CCDC149: variants seen among roughly 807,000 people sequenced by gnomAD.
The protein encoded by CCDC149 is coiled-coil domain-containing protein 149.
A neutral mutation model predicts 59.9 loss-of-function variants in CCDC149; 45 were observed. That is an observed-to-expected ratio of 0.75 (90% confidence interval 0.59 to 0.96). CCDC149 has a LOEUF of 0.96. CCDC149 is among the 40% of genes least tolerant of loss of function. The pLI is 0.00. For missense variants in CCDC149, 584 were observed against 664.7 expected (o/e 0.88, Z 1.33); for synonymous variants, 245 against 260.6 (o/e 0.94, Z 0.58).
intron 1 of CCDC149, among the ~76,000 whole-genome samples, chr4:24,924,607 C>G (rs1722384880): frequency 1.3e-5 from 2 of 152,218 alleles, no homozygotes; most frequent in South Asian, 4.1e-4. Context: ...CATGTGGTCT[C>G]TCCATGTGGT....
chr4:24,865,782 T>C (rs565334296), intron 3 of CCDC149, among the ~76,000 whole-genome samples: 2 of 152,366 alleles, frequency 1.3e-5, no homozygotes, highest in Admixed American at 6.5e-5. Flanking sequence ...TTTAGACTCA[T>C]TGAGCCTAAA....
At chr4:24,963,138 C>G (rs1420522652) in intron 1 of CCDC149, among the ~76,000 whole-genome samples, 1 of 151,996 alleles carries the variant, frequency 6.6e-6, no homozygotes, top group Non-Finnish European at 1.5e-5. Context: ...GATCTTCCAC[C>G]TCAGAGAAGC....
Position 24,812,225 on chromosome 4 carries a change from T to A in CCDC149, c.1193-3406A>T, listed in dbSNP as rs142214740. ...AGGTTTCAGGGAATTGGACCTGAAA[T>A]CTTTGAGGGCCAATATTCAACCTCC... On this transcript the variant is annotated intron_variant, in intron 12 of 12. Transcript: ENST00000635206. Among the ~76,000 whole-genome samples the A allele has an allele frequency of 1.3e-3, 194 of 152,346 alleles. 1 individual carries two copies. The highest frequency in any genetic ancestry group is 4.5e-3 in the African/African-American group (186 of 41,588).
intron 1 of CCDC149, among the ~76,000 whole-genome samples, chr4:24,973,321 T>C (rs1253040115): frequency 6.6e-6 from 1 of 152,226 alleles, no homozygotes. Context: ...TGGCTCAGAA[T>C]AAACCTGTTT....
chr4:24,851,858 C>A (rs79450387), intron 4 of CCDC149, among the ~76,000 whole-genome samples: 104 of 152,144 alleles, frequency 6.8e-4, no homozygotes, highest in African/African-American at 2.5e-3. Flanking sequence ...AAACCACGAG[C>A]GGCTGGATTA....
intron 3 of CCDC149, among the ~76,000 whole-genome samples, chr4:24,869,686 C>T (rs800381): frequency 0.82 from 124,439 of 152,064 alleles, 51,053 homozygotes; most frequent in East Asian, 0.9. Context: ...GCTCACCTTA[C>T]GCCAGGCACC....
intron 1 of CCDC149, among the ~76,000 whole-genome samples, chr4:24,886,171 T>C (rs545994866): frequency 6.6e-6 from 1 of 152,204 alleles, no homozygotes; most frequent in East Asian, 1.9e-4. Flanking sequence ...GTAACTGACA[T>C]TCTAACAAAG....
At chr4:24,931,619 G>C (rs979090916) in intron 1 of CCDC149, among the ~76,000 whole-genome samples, 1 of 151,450 alleles carries the variant, frequency 6.6e-6, no homozygotes, top group Non-Finnish European at 1.5e-5. Context: ...GAATTGGCTA[G>C]AACTAGTCAC....
At chr4:24,976,631 TGAACCCA>T (rs1449361758) in intron 1 of CCDC149, among the ~76,000 whole-genome samples, 1 of 152,130 alleles carries the variant, frequency 6.6e-6, no homozygotes, top group African/African-American at 2.4e-5. Flanking sequence ...GAGAATTGCT[TGAACCCA>T]GGAGGCAGAG....
upstream of CCDC149, among the ~76,000 whole-genome samples, chr4:24,913,934 C>G (rs1414524777): frequency 6.6e-6 from 1 of 152,222 alleles, no homozygotes; most frequent in Non-Finnish European, 1.5e-5. Context: ...CACCTAAAAT[C>G]CCCTCTTGGA....
Position 24,838,328 on chromosome 4 carries a change from T to C in CCDC149, c.373-56A>G. ...GGCACAGAGAATAAACAGATCCAAATAAAAACCAAAGGACACTAAGAAACT... is the reference window on the plus strand; with the variant it reads ...GGCACAGAGAATAAACAGATCCAAACAAAAACCAAAGGACACTAAGAAACT... On this transcript the variant is annotated intron_variant, in intron 4 of 12. Coordinates refer to ENST00000635206, the MANE Select transcript of CCDC149 (RefSeq NM_001330643.2). 3.0e-6 allele frequency: 4 copies of C among 1,337,126 alleles called. No homozygotes were observed. In the South Asian group the frequency reaches 4.7e-5, roughly 16 times the overall value. 82.8% of individuals were successfully genotyped at this position (1,337,126 alleles called of 1,614,324 possible).
At chr4:24,946,344 C>A (rs1333040028) in intron 1 of CCDC149, among the ~76,000 whole-genome samples, 5 of 152,142 alleles carry the variant, frequency 3.3e-5, no homozygotes, top group African/African-American at 9.7e-5. Context: ...TTACTGAGTC[C>A]ATTTCTGTTG....
intron 1 of CCDC149, among the ~76,000 whole-genome samples, chr4:24,880,482 G>A (rs1308065908): frequency 6.6e-6 from 1 of 152,196 alleles, no homozygotes; most frequent in Admixed American, 6.5e-5. Flanking sequence ...GTGGGGAGAA[G>A]GGAGTGTTGG....
chr4:24,837,306 A>C lies in CCDC149; in HGVS notation c.584T>G (p.Leu195Arg). The C allele has an allele frequency of 6.2e-7, 1 of 1,614,160 alleles. No individual in the cohort carries two copies. Among genetic ancestry groups the C allele is most frequent in the Non-Finnish European group, 8.5e-7 (1 of 1,180,026 alleles). ...CAGGATATGGTTCAGCTCCTGGTTG[A>C]GCCTCTCCACTTTGTCCTGGTAGGA... Residue 195 changes from leucine (L) to arginine (R), a missense_variant, in exon 6 of 13, where the codon CTC becomes CGC. Physicochemically the swap from Leu to Arg is moderately radical, Grantham distance 102 (BLOSUM62 -2). Transcript: ENST00000635206. The surrounding 1 kb of genome is among the most constrained non-coding windows in gnomAD (Gnocchi z 4.3).
intron 1 of CCDC149, among the ~76,000 whole-genome samples, chr4:24,945,023 G>T (rs190511940): frequency 2.2e-4 from 34 of 152,182 alleles, no homozygotes; most frequent in Non-Finnish European, 3.7e-4. Context: ...GTTGGAAGAT[G>T]CCTGTGCAGC....
At position 24,906,366 on chromosome 4, in the gene CCDC149, T is replaced by TTTTATTTTATTTTTATTTTA. The variant is rs1286497003; in HGVS notation, c.63+6450_63+6451insTAAAATAAAAATAAAATAAA. 8.2e-3 allele frequency among the ~76,000 whole-genome samples: 181 copies of TTTTATTTTATTTTTATTTTA among 22,034 alleles called. 31 individuals carry two copies. The Middle Eastern group carries it at 0.14, about 17-fold the overall frequency. 14.5% of individuals were successfully genotyped at this position (22,034 alleles called of 152,430 possible). On this transcript the variant is annotated intron_variant, in intron 1 of 12. Transcript: ENST00000635206. ...AGTAACTCAGGGGCAGCGGAACAAA[T>TTTTATTTTATTTTTATTTTA]TTTATTTTATTTTATTTTATTTTAT...
At chr4:24,843,304 C>A (rs944413530) in intron 4 of CCDC149, among the ~76,000 whole-genome samples, 1 of 152,172 alleles carries the variant, frequency 6.6e-6, no homozygotes, top group Admixed American at 6.5e-5. Context: ...GCCCCCAGTC[C>A]CCGTGTACTG....
At chr4:24,936,759 C>A (rs1413307161) in intron 1 of CCDC149, among the ~76,000 whole-genome samples, 3 of 152,150 alleles carry the variant, frequency 2.0e-5, no homozygotes, top group African/African-American at 7.2e-5. Context: ...TAGAGGCTCA[C>A]TGGAAGAACC....
intron 1 of CCDC149, among the ~76,000 whole-genome samples, chr4:24,939,523 C>T (rs1390357063): frequency 1.3e-5 from 2 of 152,176 alleles, no homozygotes; most frequent in East Asian, 3.8e-4. Flanking sequence ...TCCTCACCAG[C>T]AACGGAACAA....
Sources: gnomAD v4.1 joint callset for allele counts (sites outside exome capture counted in the v4.1 genomes callset) on GRCh38, gnomAD v4.1.1 for gene constraint, Gnocchi (gnomAD v3.1) non-coding constraint, MANE v1.5 for transcripts, NCBI Gene and HGNC (gene_info 2026-07-23, HGNC 2026-07-21) for gene names.